FCN1: variants seen among roughly 807,000 people sequenced by gnomAD.
FCN1 encodes the protein ficolin-1.
In FCN1, 42 loss-of-function variants were observed where a neutral mutation model predicts 35.6. The ratio of observed to expected loss-of-function variants is 1.18; its 90% CI spans 0.92 to 1.53. The LOEUF is 1.53. Among genes scored for constraint, FCN1 ranks in the 40% most tolerant of loss-of-function variants. The pLI, the probability that FCN1 is intolerant of heterozygous loss-of-function variation, is 0.00. For missense variants in FCN1, 439 were observed against 428.4 expected, an observed-to-expected ratio of 1.02 and a Z score of -0.22; for synonymous variants, 179 against 169.8, an observed-to-expected ratio of 1.05 and a Z score of -0.42.
At position 134,904,851 on chromosome 9, in the gene FCN1, A is replaced by G. The variant is rs1830921808; in HGVS notation, c.*4947T>C. On this transcript the variant is annotated 3_prime_UTR_variant, in exon 9 of 9. Coordinates refer to ENST00000371806, the MANE Select transcript of FCN1 (RefSeq NM_002003.5). ...GCAAGAAGATGATCTCACACCAAAA[A>G]TAATAATAATAATAAAATAGAAGAA... Among the ~76,000 whole-genome samples, 1 of 152,118 alleles carries G rather than the reference A, an allele frequency of 6.6e-6. No individual in the cohort carries two copies. The highest frequency in any genetic ancestry group is 1.5e-5 in the Non-Finnish European group (1 of 68,026).
intron 8 of FCN1, among the ~76,000 whole-genome samples, chr9:134,910,859 A>G (rs544538379): frequency 1.3e-5 from 2 of 152,348 alleles, no homozygotes; most frequent in East Asian, 3.9e-4. Context: ...CCATGAGAAA[A>G]GGACGACGTC....
intron 2 of FCN1, among the ~76,000 whole-genome samples, chr9:134,915,231 C>T (rs970978198): frequency 4.6e-5 from 7 of 152,160 alleles, no homozygotes; most frequent in Admixed American, 6.5e-5. Flanking sequence ...CACGTGCAGC[C>T]GCTGCTGCCA....
rs995991237 is a variant in FCN1, at chr9:134,905,726, C to T, written c.*4072G>A. ...GTCTTGATCTCCTGACCTTGTGATC[C>T]GCCCGCCTCGGCCTCCCAAAGTGCT... On this transcript the variant is annotated 3_prime_UTR_variant, in exon 9 of 9. Coordinates refer to ENST00000371806, the MANE Select transcript of FCN1 (RefSeq NM_002003.5). Among the ~76,000 whole-genome samples the T allele has an allele frequency of 4.6e-5, 7 of 151,316 alleles. No homozygotes were observed. In the South Asian group the frequency reaches 6.3e-4, roughly 14 times the overall value.
rs539521185 is a variant in FCN1 at position 134,903,558 on chromosome 9, C to A, written c.*6240G>T. Among the ~76,000 whole-genome samples the A allele has an allele frequency of 6.6e-5, 10 of 152,100 alleles. No homozygotes were observed. The highest frequency in any genetic ancestry group is 2.1e-4 in the South Asian group (1 of 4,820). ...CACAGAGGAAACTCTTAGAACTGAA[C>A]TAAAATAGGTGAATTTTACTGTATT... On this transcript the variant is annotated 3_prime_UTR_variant, in exon 9 of 9. Coordinates refer to ENST00000371806, the MANE Select transcript of FCN1 (RefSeq NM_002003.5).
intron 5 of FCN1, 118 bp downstream of exon 5, chr9:134,913,463 G>A (rs372299905): frequency 6.6e-6 from 5 of 756,146 alleles, no homozygotes; most frequent in Admixed American, 2.7e-5. Context: ...AGTGATTGAG[G>A]GGGGGATGAT....
chr9:134,903,651 A>G lies in FCN1; in HGVS notation c.*6147T>C, dbSNP rs1830910284. Among the ~76,000 whole-genome samples, 1 of 152,324 alleles carries G rather than the reference A, an allele frequency of 6.6e-6. No individual in the cohort carries two copies. ...TGCCTTCCTGAATACTATGTCTAGC[A>G]TTCAATCAAAACCCTCCAAGTGTGC... On this transcript the variant is annotated 3_prime_UTR_variant, in exon 9 of 9. Coordinates refer to ENST00000371806, the MANE Select transcript of FCN1 (RefSeq NM_002003.5).
rs1830952061 is a variant in FCN1, at chr9:134,905,928, TCTCCCTCTCCC to T, written c.*3859_*3869del. 1 of 110,704 alleles carries T rather than the reference TCTCCCTCTCCC, an allele frequency of 9.0e-6. No individual in the cohort carries two copies. The highest frequency in any genetic ancestry group is 5.0e-5 in the African/African-American group (1 of 20,120). 6.9% of individuals were successfully genotyped at this position (110,704 alleles called of 1,614,324 possible). Reference sequence around the variant, plus strand: ...TTCTTCTTCTTCTTCTTCTTCTCCCTCTCCCTCTCCCTCTCCCTCTCCCTCTCCCTCTCCCT... The same window carrying T: ...TTCTTCTTCTTCTTCTTCTTCTCCCTTCTCCCTCTCCCTCTCCCTCTCCCT... On this transcript the variant is annotated 3_prime_UTR_variant, in exon 9 of 9. Coordinates refer to ENST00000371806, the MANE Select transcript of FCN1 (RefSeq NM_002003.5).
rs1396324879 is a variant in FCN1, at chr9:134,914,430, GA to G, written c.272-11del. 2 of 1,613,744 alleles carry G rather than the reference GA, an allele frequency of 1.2e-6. No individual in the cohort carries two copies. The highest frequency in any genetic ancestry group is 1.7e-6 in the Non-Finnish European group (2 of 1,179,764). ...TTCTCTCCTCGGTCTCCTGGAGGAA[GA>G]GGCAGGATAATGAGCTTTTGACCCC... On this transcript the variant is annotated splice_polypyrimidine_tract_variant and intron_variant, in intron 3 of 8. Coordinates refer to ENST00000371806, the MANE Select transcript of FCN1 (RefSeq NM_002003.5).
At chr9:134,915,265 G>T (rs538120759) in intron 2 of FCN1, among the ~76,000 whole-genome samples, 1 of 152,142 alleles carries the variant, frequency 6.6e-6, no homozygotes, top group Non-Finnish European at 1.5e-5. Flanking sequence ...TCCACCGTGC[G>T]CCTGAGCTCC....
Position 134,906,128 on chromosome 9 carries a change from AG to A in FCN1, c.*3669del, listed in dbSNP as rs1830955802. On this transcript the variant is annotated 3_prime_UTR_variant, in exon 9 of 9. Transcript: ENST00000371806. ...GCGGAGTTTTGTATTTTTAGTAGAGAGGAGGTTTCATCATGTTGGCCAGGCT... is the reference window on the plus strand; with the variant it reads ...GCGGAGTTTTGTATTTTTAGTAGAGAGAGGTTTCATCATGTTGGCCAGGCT... 6.6e-6 allele frequency: 1 copy of A among 152,534 alleles called. No homozygotes were observed. Among genetic ancestry groups the A allele is most frequent in the African/African-American group, 2.4e-5 (1 of 40,914 alleles). 9.4% of individuals were successfully genotyped at this position (152,534 alleles called of 1,614,324 possible). A position where few individuals can be genotyped will look rare whatever the true frequency, so the allele number is the denominator to read the frequency against.
chr9:134,911,342 ATTTTTTTTT>A, intron 7 of FCN1, 75 bp from the exon 8 acceptor site: 1 of 929,036 alleles, frequency 1.1e-6, no homozygotes, highest in Non-Finnish European at 1.6e-6. Flanking sequence ...GGGATGGGTA[ATTTTTTTTT>A]TTTTTTTTTT....
At chr9:134,912,813 C>T (rs897220549) in intron 6 of FCN1, among the ~76,000 whole-genome samples, 198 bp from the exon 7 acceptor site, 3 of 152,174 alleles carry the variant, frequency 2.0e-5, no homozygotes, top group African/African-American at 7.2e-5. Context: ...GGCAACAAGC[C>T]CCAAGCCACA....
In FCN1 at chr9:134,911,134, C is replaced by CG. The variant is rs747839948; in HGVS notation, c.731dup (p.Asn246Ter). The CG allele has an allele frequency of 3.3e-5, 54 of 1,614,012 alleles. No individual in the cohort carries two copies. The African/African-American group carries it at 6.5e-4, about 20-fold the overall frequency. Reference sequence around the variant, plus strand: ...CACCAGCCCCAAGCAGACACTCACCCGCACTGCCCCCGACAAAGGCTCCCA... The same window carrying CG: ...CACCAGCCCCAAGCAGACACTCACCCGGCACTGCCCCCGACAAAGGCTCCCA... On this transcript the variant is annotated frameshift_variant and splice_region_variant, in exon 8 of 9. Transcript: ENST00000371806. LOFTEE classifies it low-confidence loss of function (END_TRUNC).
rs1830991507 is a variant in FCN1 at position 134,909,343 on chromosome 9, G to A, written c.*455C>T. ...AGAAGTGTGAAGTGTTGTGAGTGAG[G>A]CATGGGGGGATGGGGGAGGCTTGGG... On this transcript the variant is annotated 3_prime_UTR_variant, in exon 9 of 9. Coordinates refer to ENST00000371806, the MANE Select transcript of FCN1 (RefSeq NM_002003.5). 1 of 1,289,296 alleles carries A rather than the reference G, an allele frequency of 7.8e-7. No individual in the cohort carries two copies. 79.9% of individuals were successfully genotyped at this position (1,289,296 alleles called of 1,614,324 possible).
chr9:134,913,010 A>G lies in FCN1; in HGVS notation c.468+6T>C. ...GCTGACCGCCTCTGCCCAGCCCCACACTCACGGTCCAGCCCCCTCCGTCCG... is the reference window on the plus strand; with the variant it reads ...GCTGACCGCCTCTGCCCAGCCCCACGCTCACGGTCCAGCCCCCTCCGTCCG... On this transcript the variant is annotated splice_donor_region_variant and intron_variant, in intron 6 of 8. Transcript: ENST00000371806. 6.2e-7 allele frequency: 1 copy of G among 1,609,458 alleles called. No individual in the cohort carries two copies. Among genetic ancestry groups the G allele is most frequent in the Non-Finnish European group, 8.5e-7 (1 of 1,178,098 alleles).
chr9:134,915,858 G>A (rs1831085837), intron 2 of FCN1, among the ~76,000 whole-genome samples: 1 of 152,220 alleles, frequency 6.6e-6, no homozygotes, highest in Non-Finnish European at 1.5e-5. Context: ...TCCACATGCA[G>A]AGCTCAGGGC....
At chr9:134,913,537 T>TG in intron 5 of FCN1, 44 bp downstream of exon 5, 1 of 1,535,836 alleles carries the variant, frequency 6.5e-7, no homozygotes, top group Non-Finnish European at 8.9e-7. Flanking sequence ...GCCCCAGGGG[T>TG]GGGGGCAAGG....
In FCN1 at chr9:134,913,580, C is replaced by T. The variant is rs1438034319; in HGVS notation, c.340+1G>A. The T allele has an allele frequency of 6.2e-7, 1 of 1,606,328 alleles. No individual in the cohort carries two copies. The highest frequency in any genetic ancestry group is 1.7e-4 in the Middle Eastern group (1 of 6,010). On this transcript the variant is annotated splice_donor_variant, in intron 5 of 8. Transcript: ENST00000371806. LOFTEE classifies it high-confidence loss of function. Reference sequence around the variant, plus strand: ...ACCGAGGTCAGGGTGTGATCAGTCACCTGTCGCACACGACTGAGACTGCCC... The same window carrying T: ...ACCGAGGTCAGGGTGTGATCAGTCATCTGTCGCACACGACTGAGACTGCCC...
In FCN1 at chr9:134,904,510, G is replaced by A. The variant is rs968467435; in HGVS notation, c.*5288C>T. 6.6e-6 allele frequency among the ~76,000 whole-genome samples: 1 copy of A among 152,198 alleles called. No individual in the cohort carries two copies. Among genetic ancestry groups the A allele is most frequent in the African/African-American group, 2.4e-5 (1 of 41,446 alleles). On this transcript the variant is annotated 3_prime_UTR_variant, in exon 9 of 9. Transcript: ENST00000371806. ...AAAAATATATGAGGCTGGGCACGGT[G>A]TCTCACATCTGTAATCCTAGCACTT...
Sources: allele counts gnomAD v4.1 joint callset (sites outside exome capture counted in the v4.1 genomes callset), GRCh38; gene constraint gnomAD v4.1.1; transcripts MANE v1.5; gene names NCBI Gene and HGNC (gene_info 2026-07-23, HGNC 2026-07-21).